CDC20B: variants seen among roughly 807,000 people sequenced by gnomAD.
CDC20B encodes cell division cycle protein 20 homolog B.
In CDC20B, 58 loss-of-function variants were observed where a neutral mutation model predicts 64.1. The ratio of observed to expected loss-of-function variants is 0.90; its 90% confidence interval spans 0.73 to 1.13. The LOEUF (loss-of-function observed/expected upper bound fraction) is 1.13. Among genes scored for constraint, CDC20B ranks in the 50% most tolerant of loss-of-function variants. CDC20B has a pLI of 0.00. For synonymous variants in CDC20B, 243 were observed against 230.6 expected (o/e 1.05, Z -0.49); for missense variants, 597 against 633.0 (o/e 0.94, Z 0.61).
intron 2 of CDC20B, among the ~76,000 whole-genome samples, chr5:55,150,205 T>C (rs1561297789): frequency 6.6e-6 from 1 of 152,204 alleles, no homozygotes. Context: ...AAAAGAAATC[T>C]TTTTAAAAAT....
chr5:55,147,401 A>G (rs1173033347), intron 2 of CDC20B, among the ~76,000 whole-genome samples: 1 of 140,626 alleles, frequency 7.1e-6, no homozygotes, highest in African/African-American at 2.5e-5. Context: ...ATATTTATAT[A>G]TAAAATATGT....
chr5:55,142,063 A>G (rs1477504713), intron 4 of CDC20B, among the ~76,000 whole-genome samples: 1 of 152,182 alleles, frequency 6.6e-6, no homozygotes, highest in African/African-American at 2.4e-5. Flanking sequence ...GTTACCACAA[A>G]GCTGATCACA....
At chr5:55,172,869 ATAT>A (rs2111626684) in intron 1 of CDC20B, 66 bp downstream of exon 1, 2 of 1,436,632 alleles carry the variant, frequency 1.4e-6, no homozygotes, top group Middle Eastern at 1.8e-4. Context: ...TCCTAAACAG[ATAT>A]TATGAACGGG....
chr5:55,143,639 G>T lies in CDC20B; in HGVS notation c.360C>A (p.Ser120=). Residue 120 remains serine (S), a synonymous_variant, in exon 4 of 12, where the codon TCC becomes TCA. Coordinates refer to ENST00000381375, the MANE Select transcript of CDC20B (RefSeq NM_001170402.1). ...TGGGGGTCTTCAGTTGTTCTTTGCG[G>T]GATCCTACAAGAAAGACATTTATCT... is the stretch of plus-strand genomic sequence containing the variant. ...PPEKETLTLG[S]RKEQLKTPSK... The T allele has an allele frequency of 1.3e-6, 2 of 1,582,802 alleles. No individual in the cohort carries two copies. The highest frequency in any genetic ancestry group is 1.7e-6 in the Non-Finnish European group (2 of 1,167,964).
chr5:55,118,754 G>A (rs1441009648), intron 11 of CDC20B, among the ~76,000 whole-genome samples: 1 of 152,194 alleles, frequency 6.6e-6, no homozygotes, highest in Non-Finnish European at 1.5e-5. Flanking sequence ...AGGCCACAGA[G>A]TGTGACAGCT....
chr5:55,172,860 C>G, intron 1 of CDC20B, 78 bp downstream of exon 1: 1 of 1,392,508 alleles, frequency 7.2e-7, no homozygotes, highest in Non-Finnish European at 9.8e-7. Context: ...ACCTCTTGGT[C>G]CTAAACAGAT....
At position 55,172,749 on chromosome 5, in the gene CDC20B, C is replaced by CTT. The variant is rs70989702; in HGVS notation, c.64-101_64-100dup. 3.7e-3 allele frequency: 1,989 copies of CTT among 536,064 alleles called. 5 individuals carry two copies. Among genetic ancestry groups the CTT allele is most frequent in the South Asian group, 0.012 (508 of 41,654 alleles). 33.2% of individuals were successfully genotyped at this position (536,064 alleles called of 1,614,324 possible). On this transcript the variant is annotated intron_variant, in intron 1 of 11. Coordinates refer to ENST00000381375, the MANE Select transcript of CDC20B (RefSeq NM_001170402.1). ...TAGATCTTGTGCTTGTCAGATTACA[C>CTT]TTTTTTTTTTTTTTTTTTTTTTTTT...
intron 2 of CDC20B, chr5:55,161,284 T>A (rs1292546075): frequency 2.5e-6 from 4 of 1,588,188 alleles, no homozygotes; most frequent in Non-Finnish European, 3.4e-6. Flanking sequence ...TATGCTGTTT[T>A]AAATTGCTTT....
In CDC20B at chr5:55,150,105, C is replaced by A. The variant is rs577009122; in HGVS notation, c.127-3249G>T. 4.6e-5 allele frequency among the ~76,000 whole-genome samples: 7 copies of A among 152,172 alleles called. No homozygotes were observed. In the South Asian group the frequency reaches 1.0e-3, roughly 23 times the overall value. ...CGAGATCGCACCATTGCACTCCAGC[C>A]TGGGCAACAAGAGTGAAACCCCGTC... On this transcript the variant is annotated intron_variant, in intron 2 of 11. Coordinates refer to ENST00000381375, the MANE Select transcript of CDC20B (RefSeq NM_001170402.1).
chr5:55,131,628 G>A (rs561394481), intron 6 of CDC20B, among the ~76,000 whole-genome samples: 2 of 152,178 alleles, frequency 1.3e-5, no homozygotes, highest in South Asian at 2.1e-4. Context: ...GGAGTTCTTT[G>A]GTAATGTTTG....
intron 2 of CDC20B, chr5:55,164,128 C>T (rs747296757): frequency 6.2e-7 from 1 of 1,607,314 alleles, no homozygotes; most frequent in South Asian, 1.1e-5. Context: ...TTGTGAAGTT[C>T]TGGAAGCCAG....
At chr5:55,148,681 A>G (rs377150199) in intron 2 of CDC20B, among the ~76,000 whole-genome samples, 2 of 152,338 alleles carry the variant, frequency 1.3e-5, no homozygotes, top group African/African-American at 4.8e-5. Flanking sequence ...CTGGGCGACA[A>G]AGTGAGACCC....
chr5:55,146,540 T>C, intron 3 of CDC20B, 88 bp downstream of exon 3: 1 of 876,342 alleles, frequency 1.1e-6, no homozygotes, highest in African/African-American at 1.7e-5. Flanking sequence ...AAAGTGACAC[T>C]CCTTAGTTCT....
At chr5:55,160,588 C>T (rs1743994910) in intron 2 of CDC20B, 1 of 550,794 alleles carries the variant, frequency 1.8e-6, no homozygotes, top group South Asian at 2.6e-5. Flanking sequence ...CCGATTATCT[C>T]GTTTTCTTTA....
At chr5:55,139,514 G>A (rs1445037231) in intron 5 of CDC20B, among the ~76,000 whole-genome samples, 1 of 152,132 alleles carries the variant, frequency 6.6e-6, no homozygotes, top group Non-Finnish European at 1.5e-5. Context: ...GGAGCATTTA[G>A]AGGAAATATT....
At chr5:55,127,483 C>T in intron 7 of CDC20B, 132 bp from the exon 8 acceptor site, 3 of 679,502 alleles carry the variant, frequency 4.4e-6, no homozygotes, top group Non-Finnish European at 7.8e-6. Context: ...CACATCTAGC[C>T]AGCAGTTCTC....
chr5:55,156,207 T>C (rs1314817229), intron 2 of CDC20B, among the ~76,000 whole-genome samples: 1 of 152,120 alleles, frequency 6.6e-6, no homozygotes, highest in Non-Finnish European at 1.5e-5. Flanking sequence ...AAGAACAGTA[T>C]AGGGGTAACT....
intron 11 of CDC20B, among the ~76,000 whole-genome samples, chr5:55,116,372 G>C (rs1742626916): frequency 6.6e-6 from 1 of 152,170 alleles, no homozygotes; most frequent in Non-Finnish European, 1.5e-5. Context: ...CTGCACTCCA[G>C]CCTGGGCAAC....
At chr5:55,165,516 G>C (rs1166914270) in intron 2 of CDC20B, 1 of 152,216 alleles carries the variant, frequency 6.6e-6, no homozygotes, top group Non-Finnish European at 1.5e-5. Flanking sequence ...TGTTTCGTAT[G>C]GCAAATTCAG....
Sources: allele counts gnomAD v4.1 joint callset (sites outside exome capture counted in the v4.1 genomes callset), GRCh38; gene constraint gnomAD v4.1.1; transcripts MANE v1.5; gene names NCBI Gene and HGNC (gene_info 2026-07-23, HGNC 2026-07-21).